The following CACNA1A variants were observed in gnomAD, a reference collection of about 807,000 sequenced individuals.
CACNA1A encodes voltage-dependent P/Q-type calcium channel subunit alpha-1A.
CACNA1A carries 57 observed loss-of-function variants against 262.4 expected under a neutral mutation model. The ratio of observed to expected loss-of-function variants is 0.22; its 90% CI spans 0.18 to 0.27. The LOEUF is 0.27. CACNA1A is among the 10% of genes least tolerant of loss of function. The pLI is 1.00. For synonymous variants in CACNA1A, 1,431 were observed against 1,419.3 expected, an observed-to-expected ratio of 1.01 and a Z score of -0.18; for missense variants, 2,526 against 3,562.8, an observed-to-expected ratio of 0.71 and a Z score of 7.41.
At position 13,207,695 on chromosome 19, in the gene CACNA1A, G is replaced by A. The variant is rs1329486958; in HGVS notation, c.7139C>T (p.Pro2380Leu). 3.1e-5 allele frequency: 43 copies of A among 1,390,462 alleles called. No homozygotes were observed. The highest frequency in any genetic ancestry group is 4.0e-5 in the Non-Finnish European group (43 of 1,073,588). 86.1% of individuals were successfully genotyped at this position (1,390,462 alleles called of 1,614,324 possible). Reference sequence around the variant, plus strand: ...GGCCCCGCCGTGTCGACAGGCCCTGGGGGACTCGCTCCGGGCCGGGCCTGG... The same window carrying A: ...GGCCCCGCCGTGTCGACAGGCCCTGAGGGACTCGCTCCGGGCCGGGCCTGG... ...RVPGPARSES[P>L]RACRHGGARW... The change falls in exon 47 of 47, where the codon CCC becomes CTC. Residue 2380 changes from proline to leucine, a missense_variant. By Grantham distance (98) the Pro-to-Leu change is moderately conservative (BLOSUM62 -3). Around this residue, in one of 17 missense-constraint regions of CACNA1A, gnomAD observed 929 missense variants for 868.1 expected, o/e 1.07. Transcript: ENST00000360228. This position sits in a 1 kb window ranked among gnomAD's most constrained non-coding sequence, Gnocchi z 5.7.
intron 1 of CACNA1A, among the ~76,000 whole-genome samples, chr19:13,462,087 GAAA>G (rs2061134381): frequency 6.6e-6 from 1 of 152,188 alleles, no homozygotes. Flanking sequence ...GAACATGAAG[GAAA>G]ATTCTCAAAG....
chr19:13,285,044 G>A, intron 21 of CACNA1A, 24 bp downstream of exon 21: 2 of 1,613,614 alleles, frequency 1.2e-6, no homozygotes, highest in Non-Finnish European at 8.5e-7. Context: ...GGCCCCCCCT[G>A]CCCTTGCTGG....
chr19:13,357,281 C>T (rs1247920821), intron 6 of CACNA1A, among the ~76,000 whole-genome samples: 1 of 152,172 alleles, frequency 6.6e-6, no homozygotes, highest in Non-Finnish European at 1.5e-5. Flanking sequence ...ATGTAAATAA[C>T]TCCCACAGGA....
intron 34 of CACNA1A, among the ~76,000 whole-genome samples, chr19:13,232,190 TTCTC>T (rs139395059): frequency 0.015 from 2,323 of 151,452 alleles, 58 homozygotes; most frequent in African/African-American, 0.052. Flanking sequence ...TTCCTTTCTT[TTCTC>T]TCTCTCTCTC....
chr19:13,466,485 C>T (rs965765182), intron 1 of CACNA1A, among the ~76,000 whole-genome samples: 1 of 152,060 alleles, frequency 6.6e-6, no homozygotes, highest in East Asian at 1.9e-4. Context: ...GGACTGCAGG[C>T]ACCCACCACC....
chr19:13,481,030 GTCTC>G (rs892109159), intron 1 of CACNA1A, among the ~76,000 whole-genome samples: 4 of 152,082 alleles, frequency 2.6e-5, no homozygotes, highest in African/African-American at 4.8e-5. Flanking sequence ...CAGATAGTGA[GTCTC>G]TCTCTCTGTT....
intron 31 of CACNA1A, among the ~76,000 whole-genome samples, chr19:13,238,193 C>T (rs1267264316): frequency 6.6e-6 from 1 of 152,198 alleles, no homozygotes; most frequent in African/African-American, 2.4e-5. Flanking sequence ...CCCAGAACTT[C>T]TGACAAGTTC....
chr19:13,479,411 C>T (rs1236129434), intron 1 of CACNA1A, among the ~76,000 whole-genome samples: 1 of 152,140 alleles, frequency 6.6e-6, no homozygotes, highest in Non-Finnish European at 1.5e-5. Context: ...ACAGAGGAAA[C>T]AGCCAGTGCA....
intron 24 of CACNA1A, among the ~76,000 whole-genome samples, chr19:13,269,075 C>T (rs1222629960): frequency 2.0e-5 from 3 of 152,114 alleles, no homozygotes; most frequent in Admixed American, 2.0e-4. Context: ...TAGCTTACCG[C>T]AGCCTTGAAC....
At chr19:13,387,483 G>A (rs901750954) in intron 3 of CACNA1A, among the ~76,000 whole-genome samples, 8 of 152,086 alleles carry the variant, frequency 5.3e-5, no homozygotes, top group South Asian at 2.1e-4. Context: ...TGGTGCCTGC[G>A]TGCTACGTCT....
At chr19:13,294,892 C>T (rs1465303532) in intron 19 of CACNA1A, among the ~76,000 whole-genome samples, 1 of 152,170 alleles carries the variant, frequency 6.6e-6, no homozygotes, top group Non-Finnish European at 1.5e-5. Context: ...GAGTGACTGA[C>T]AGCCCCAGAG....
In CACNA1A at chr19:13,231,770, C is replaced by T. The variant is rs2055673479; in HGVS notation, c.5340G>A (p.Glu1780=). The T allele has an allele frequency of 1.2e-6, 2 of 1,613,954 alleles. No individual in the cohort carries two copies. Among genetic ancestry groups the T allele is most frequent in the South Asian group, 2.2e-5 (2 of 91,078 alleles). The change falls in exon 35 of 47, where the codon GAG becomes GAA. Residue 1780 remains glutamate, a synonymous_variant. Coordinates refer to ENST00000360228, the MANE Select transcript of CACNA1A (RefSeq NM_001127222.2). ...CDKNSGILTR[E]CGNEFAYFYF... ...AAAAATAAGCAAATTCATTGCCACACTCTCGAGTCAGGATGCCAGAGTTCT... is the reference window on the plus strand; with the variant it reads ...AAAAATAAGCAAATTCATTGCCACATTCTCGAGTCAGGATGCCAGAGTTCT...
chr19:13,223,925 G>T (rs1402248013), intron 38 of CACNA1A, among the ~76,000 whole-genome samples: 5 of 152,140 alleles, frequency 3.3e-5, no homozygotes, highest in Non-Finnish European at 7.4e-5. Context: ...CAGCATTTTG[G>T]GAGACCAAGG....
At chr19:13,386,325 T>C (rs748288467) in intron 3 of CACNA1A, among the ~76,000 whole-genome samples, 1 of 152,168 alleles carries the variant, frequency 6.6e-6, no homozygotes. Context: ...ACATGACCCA[T>C]TCGTAGGCCT....
chr19:13,221,490 C>T (rs1184096846), intron 38 of CACNA1A, among the ~76,000 whole-genome samples: 1 of 151,742 alleles, frequency 6.6e-6, no homozygotes, highest in African/African-American at 2.4e-5. Flanking sequence ...TCCTCAGCCT[C>T]CCAAAGTGCT....
intron 31 of CACNA1A, among the ~76,000 whole-genome samples, chr19:13,240,912 A>G (rs1320236959): frequency 6.6e-6 from 1 of 152,262 alleles, no homozygotes; most frequent in Non-Finnish European, 1.5e-5. Context: ...TGAAGCTACC[A>G]GATCCAAGTC....
intron 3 of CACNA1A, among the ~76,000 whole-genome samples, chr19:13,437,003 G>A (rs1454592686): frequency 6.6e-6 from 1 of 152,180 alleles, no homozygotes; most frequent in Admixed American, 6.5e-5. Context: ...CCTGCCACCT[G>A]GATGTTAAAT....
chr19:13,352,755 T>G (rs1441411823), intron 6 of CACNA1A, among the ~76,000 whole-genome samples: 4 of 152,182 alleles, frequency 2.6e-5, no homozygotes, highest in Non-Finnish European at 5.9e-5. Context: ...CCTGATTGGC[T>G]GACCTAGACT....
intron 3 of CACNA1A, among the ~76,000 whole-genome samples, chr19:13,407,222 C>T (rs1003194742): frequency 1.3e-5 from 2 of 152,266 alleles, no homozygotes; most frequent in South Asian, 4.1e-4. Flanking sequence ...GTAGACAGTA[C>T]AAAATTCAGA....
Sources: allele counts gnomAD v4.1 joint callset (sites outside exome capture counted in the v4.1 genomes callset), GRCh38; gene constraint gnomAD v4.1.1; regional missense constraint gnomAD v4.1.1; non-coding constraint Gnocchi (gnomAD v3.1); transcripts MANE v1.5; gene names NCBI Gene and HGNC (gene_info 2026-07-23, HGNC 2026-07-21).